The following BCL10 variants were observed in gnomAD, a reference collection of about 807,000 sequenced individuals.
BCL10 encodes the protein BCL10 immune signaling adaptor.
Under a neutral mutation model 19.2 loss-of-function variants are expected in BCL10, and 5 were observed. The observed-to-expected ratio is 0.26, with a 90% CI of 0.14 to 0.55. BCL10 has a LOEUF of 0.55. BCL10 is among the 20% of genes least tolerant of loss of function. The pLI, the probability that BCL10 is intolerant of heterozygous loss-of-function variation, is 0.94. For missense variants in BCL10, 201 were observed against 271.9 expected, an observed-to-expected ratio of 0.74 and a Z score of 1.83; for synonymous variants, 110 against 98.8, an observed-to-expected ratio of 1.11 and a Z score of -0.67.
chr1:85,271,552 C>G (rs1186978818), intron 1 of BCL10, among the ~76,000 whole-genome samples: 1 of 151,932 alleles, frequency 6.6e-6, no homozygotes, highest in Non-Finnish European at 1.5e-5. Context: ...AAAAGCAAAC[C>G]TAGATTTGAG....
chr1:85,272,699 TA>T (rs1660400230), intron 1 of BCL10, among the ~76,000 whole-genome samples: 1 of 152,168 alleles, frequency 6.6e-6, no homozygotes, highest in African/African-American at 2.4e-5. Context: ...TTGAATCTAG[TA>T]CTCACCCTTG....
chr1:85,273,893 A>C (rs1660435317), intron 1 of BCL10, among the ~76,000 whole-genome samples: 1 of 152,212 alleles, frequency 6.6e-6, no homozygotes, highest in Non-Finnish European at 1.5e-5. Context: ...GGGGGGAAAA[A>C]AACCCCAGAT....
intron 1 of BCL10, among the ~76,000 whole-genome samples, chr1:85,272,825 T>C (rs910886584): frequency 1.3e-5 from 2 of 152,174 alleles, no homozygotes; most frequent in East Asian, 1.9e-4. Flanking sequence ...GAATACTATA[T>C]ATGAAGGCCA....
rs757479322 is a variant in BCL10, at chr1:85,268,002, A to G, written c.347-20T>C. On this transcript the variant is annotated intron_variant, in intron 2 of 2. Coordinates refer to ENST00000648566, the MANE Select transcript of BCL10 (RefSeq NM_003921.5). ...TTAGTCCTACAATAAAATTATTCAG[A>G]TGTAAATGAAAAAGTAACTAAAAAA... 2 of 1,453,462 alleles carry G rather than the reference A, an allele frequency of 1.4e-6. No homozygotes were observed. Among genetic ancestry groups the G allele is most frequent in the Non-Finnish European group, 1.8e-6 (2 of 1,091,342 alleles). 90.0% of individuals were successfully genotyped at this position (1,453,462 alleles called of 1,614,324 possible).
At chr1:85,273,624 T>G (rs1250737771) in intron 1 of BCL10, among the ~76,000 whole-genome samples, 1 of 152,194 alleles carries the variant, frequency 6.6e-6, no homozygotes, top group Non-Finnish European at 1.5e-5. Context: ...ACTAATCTAA[T>G]TACATCCTCT....
intron 1 of BCL10, among the ~76,000 whole-genome samples, chr1:85,276,026 G>C (rs1475180092): frequency 1.3e-5 from 2 of 152,240 alleles, no homozygotes; most frequent in Non-Finnish European, 2.9e-5. Flanking sequence ...GAGGAGATGG[G>C]TGAGGAGTGG....
intron 1 of BCL10, among the ~76,000 whole-genome samples, chr1:85,272,205 G>A (rs1216125113): frequency 6.6e-6 from 1 of 151,944 alleles, no homozygotes; most frequent in Non-Finnish European, 1.5e-5. Flanking sequence ...TCTCCTTCAG[G>A]AGAAAATGGA....
intron 1 of BCL10, among the ~76,000 whole-genome samples, chr1:85,272,779 A>C (rs958682404): frequency 6.6e-6 from 1 of 152,132 alleles, no homozygotes; most frequent in Non-Finnish European, 1.5e-5. Flanking sequence ...AAGGATTAAA[A>C]ACTTAACTCA....
intron 1 of BCL10, 54 bp downstream of exon 1, chr1:85,276,242 C>G: frequency 6.3e-7 from 1 of 1,580,408 alleles, no homozygotes; most frequent in Admixed American, 1.7e-5. Context: ...GCTTTCGTCT[C>G]CCGCTGGGCT....
chr1:85,275,324 G>A (rs1469306956), intron 1 of BCL10, among the ~76,000 whole-genome samples: 1 of 152,164 alleles, frequency 6.6e-6, no homozygotes, highest in African/African-American at 2.4e-5. Flanking sequence ...TGTTGAATGA[G>A]GAAACTAAGC....
Position 85,276,244 on chromosome 1 carries a change from C to G in BCL10, c.57+52G>C, listed in dbSNP as rs368482107. On this transcript the variant is annotated intron_variant, in intron 1 of 2. Coordinates refer to ENST00000648566, the MANE Select transcript of BCL10 (RefSeq NM_003921.5). ...ACTCCAGGCTTCCGCTTTCGTCTCC[C>G]GCTGGGCTGCAGCCCGCCCCCGCCC... 4,073 of 1,582,814 alleles carry G rather than the reference C, an allele frequency of 2.6e-3. 16 individuals are homozygous for G. The highest frequency in any genetic ancestry group is 3.2e-3 in the Non-Finnish European group (3,649 of 1,151,708).
chr1:85,273,964 A>T (rs1189591965), intron 1 of BCL10, among the ~76,000 whole-genome samples: 1 of 152,208 alleles, frequency 6.6e-6, no homozygotes. Flanking sequence ...TTCACTTCAG[A>T]TTACCCTCTG....
At chr1:85,268,508 G>T (rs767294991) in intron 2 of BCL10, among the ~76,000 whole-genome samples, 5 of 152,120 alleles carry the variant, frequency 3.3e-5, no homozygotes, top group African/African-American at 4.8e-5. Context: ...GGTGGCTCAC[G>T]CCTGTAATCC....
At chr1:85,275,482 T>A (rs911996588) in intron 1 of BCL10, among the ~76,000 whole-genome samples, 2 of 152,234 alleles carry the variant, frequency 1.3e-5, no homozygotes, top group African/African-American at 4.8e-5. Flanking sequence ...TCAAAATGAC[T>A]TTGTAAAAGT....
intron 1 of BCL10, among the ~76,000 whole-genome samples, chr1:85,273,351 T>G (rs909716137): frequency 5.9e-5 from 9 of 152,214 alleles, no homozygotes; most frequent in African/African-American, 2.2e-4. Flanking sequence ...AATTGTTACA[T>G]GAATACCACA....
At chr1:85,268,786 A>AG (rs1444940093) in intron 2 of BCL10, among the ~76,000 whole-genome samples, 4 of 151,848 alleles carry the variant, frequency 2.6e-5, no homozygotes, top group East Asian at 1.9e-4. Context: ...AAAAAAAAAA[A>AG]AGAGAAAAAA....
chr1:85,275,853 T>A (rs931738938), intron 1 of BCL10, among the ~76,000 whole-genome samples: 2 of 152,212 alleles, frequency 1.3e-5, no homozygotes, highest in African/African-American at 4.8e-5. Context: ...AGCCCCCTTA[T>A]GCAAAAGAGC....
Position 85,265,805 on chromosome 1 carries a change from GTAGT to G in BCL10, c.*1818_*1821del, listed in dbSNP as rs1660174921. Among the ~76,000 whole-genome samples the G allele has an allele frequency of 1.3e-5, 2 of 152,196 alleles. No homozygotes were observed. Among genetic ancestry groups the G allele is most frequent in the Non-Finnish European group, 2.9e-5 (2 of 68,006 alleles). On this transcript the variant is annotated 3_prime_UTR_variant, in exon 3 of 3. Coordinates refer to ENST00000648566, the MANE Select transcript of BCL10 (RefSeq NM_003921.5). ...TGCAAAGCTTAATTTTATTGTCTATGTAGTTAGAAAACAGTCTGAAAGAAAACTC... is the reference window on the plus strand; with the variant it reads ...TGCAAAGCTTAATTTTATTGTCTATGTAGAAAACAGTCTGAAAGAAAACTC...
chr1:85,270,975 T>C (rs1557787259), intron 1 of BCL10, 69 bp from the exon 2 acceptor site: 41 of 1,468,520 alleles, frequency 2.8e-5, no homozygotes, highest in Non-Finnish European at 3.6e-5. Context: ...TGACTATTAG[T>C]TGGCAGTCTT....
Sources: gnomAD v4.1 joint callset for allele counts (sites outside exome capture counted in the v4.1 genomes callset) on GRCh38, gnomAD v4.1.1 for gene constraint, MANE v1.5 for transcripts, NCBI Gene and HGNC (gene_info 2026-07-23, HGNC 2026-07-21) for gene names.